The following ZNF628 variants were observed in gnomAD, a reference collection of about 807,000 sequenced individuals.
The protein encoded by ZNF628 is zinc finger protein 628.
In ZNF628, 3 loss-of-function variants were observed where a neutral mutation model predicts 2.5. That is an observed-to-expected ratio of 1.19 (90% confidence interval 0.54 to 3.07). The LOEUF is 3.07. ZNF628 is among the 30% of genes most tolerant of loss of function. The pLI is 0.03. For missense variants in ZNF628, 1,610 were observed against 1,517.1 expected (o/e 1.06, Z -1.02); for synonymous variants, 861 against 717.1 (o/e 1.20, Z -3.21).
In ZNF628 at chr19:55,483,308, A is replaced by G. The variant is rs770589755; in HGVS notation, c.2115A>G (p.Ala705=). The change falls in exon 3 of 3, where the codon GCA becomes GCG. Residue 705 remains alanine (A), a synonymous_variant. Transcript: ENST00000598519. ...GTAQAPSLGP[A]APNSQTFLLV... ...CCCAGGCCCCGAGCTTGGGGCCAGC[A>G]GCGCCCAACTCTCAGACGTTCCTCC... 15 of 1,527,032 alleles carry G rather than the reference A, an allele frequency of 9.8e-6. No homozygotes were observed. The highest frequency in any genetic ancestry group is 2.8e-5 in the African/African-American group (2 of 72,718). The allele number at this position is 1,527,032 out of a possible 1,614,324, so 94.6% of individuals were successfully genotyped here. A position where few individuals can be genotyped will look rare whatever the true frequency, so the allele number is the denominator to read the frequency against.
rs1469632052 is a variant in ZNF628, at chr19:55,479,631, T to G, written c.-77-203T>G. ...TCCGCTGTGGGGCCGTCCTGTGAATTGTAGGATGTTGGGCAGCATCCCTGG... is the reference window on the plus strand; with the variant it reads ...TCCGCTGTGGGGCCGTCCTGTGAATGGTAGGATGTTGGGCAGCATCCCTGG... On this transcript the variant is annotated intron_variant, in intron 1 of 2. Transcript: ENST00000598519. This position sits in a 1 kb window ranked among gnomAD's most constrained non-coding sequence, Gnocchi z 5.1. Among the ~76,000 whole-genome samples, 2 of 152,010 alleles carry G rather than the reference T, an allele frequency of 1.3e-5. No individual in the cohort carries two copies. The highest frequency in any genetic ancestry group is 2.9e-5 in the Non-Finnish European group (2 of 67,998).
At position 55,481,816 on chromosome 19, in the gene ZNF628, T is replaced by C. The variant is rs1193250693; in HGVS notation, c.623T>C (p.Leu208Pro). ...HTGERPFRCPLCPKTFTHSSN... is the reference protein window; with the variant it reads ...HTGERPFRCPPCPKTFTHSSN... ...GGCGAGCGGCCCTTCCGCTGCCCGC[T>C]CTGCCCCAAGACCTTCACCCACTCC... Residue 208 changes from leucine to proline, a missense_variant, in exon 3 of 3, where the codon CTC becomes CCC. Leu to Pro is a moderately conservative substitution (Grantham distance 98). Around this residue, in one of 5 missense-constraint regions of ZNF628, gnomAD observed 651 missense variants for 575.6 expected, o/e 1.13. Transcript: ENST00000598519. 2 of 1,599,304 alleles carry C rather than the reference T, an allele frequency of 1.3e-6. No individual in the cohort carries two copies. The highest frequency in any genetic ancestry group is 2.7e-5 in the African/African-American group (2 of 74,358).
At position 55,484,399 on chromosome 19, in the gene ZNF628, C is replaced by T. The variant is rs760004527; in HGVS notation, c.*26C>T. 9.8e-6 allele frequency: 14 copies of T among 1,432,922 alleles called. No homozygotes were observed. The East Asian group carries it at 2.6e-4, about 26-fold the overall frequency. The allele number at this position is 1,432,922 out of a possible 1,614,324, so 88.8% of individuals were successfully genotyped here. A position where few individuals can be genotyped will look rare whatever the true frequency, so the allele number is the denominator to read the frequency against. On this transcript the variant is annotated 3_prime_UTR_variant, in exon 3 of 3. Coordinates refer to ENST00000598519, the MANE Select transcript of ZNF628 (RefSeq NM_033113.3). ...GGAGAGGCAGTGATTCCCCTCCCGC[C>T]CCGCACAGAGACCCCGACTCACTGC...
chr19:55,482,225 G>C lies in ZNF628; in HGVS notation c.1032G>C (p.Gln344His). The C allele has an allele frequency of 6.9e-7, 1 of 1,458,302 alleles. No homozygotes were observed. The highest frequency in any genetic ancestry group is 9.0e-7 in the Non-Finnish European group (1 of 1,112,780). The allele number at this position is 1,458,302 out of a possible 1,614,324, so 90.3% of individuals were successfully genotyped here. Residue 344 changes from glutamine to histidine, a missense_variant, in exon 3 of 3, where the codon CAG (glutamine) becomes CAC (histidine). This residue lies in a region of ZNF628 where 651 missense variants were observed against 575.6 expected (regional missense o/e 1.13). Coordinates refer to ENST00000598519, the MANE Select transcript of ZNF628 (RefSeq NM_033113.3). The part of the protein sequence containing the change: ...KADQPPSPLP[Q>H]PPPPAAAPAP... Reference sequence around the variant, plus strand: ...ACCAGCCACCGTCCCCTCTGCCGCAGCCCCCTCCTCCCGCCGCCGCCCCCG... The same window carrying C: ...ACCAGCCACCGTCCCCTCTGCCGCACCCCCCTCCTCCCGCCGCCGCCCCCG...
intron 1 of ZNF628, among the ~76,000 whole-genome samples, chr19:55,477,106 A>G (rs1986570597): frequency 6.6e-6 from 1 of 152,204 alleles, no homozygotes; most frequent in African/African-American, 2.4e-5. Flanking sequence ...CATTGAAGCA[A>G]AAACTCCTGA....
intron 2 of ZNF628, among the ~76,000 whole-genome samples, chr19:55,480,696 C>A (rs1986676513): frequency 6.6e-6 from 1 of 152,234 alleles, no homozygotes; most frequent in African/African-American, 2.4e-5. Context: ...GCTGGGATTA[C>A]AGGCGTGAGC....
chr19:55,482,700 G>A lies in ZNF628; in HGVS notation c.1507G>A (p.Val503Met), dbSNP rs757098909. Residue 503 changes from valine to methionine, a missense_variant, in exon 3 of 3, where the codon GTG (valine) becomes ATG (methionine). Coordinates refer to ENST00000598519, the MANE Select transcript of ZNF628 (RefSeq NM_033113.3). The stretch of plus-strand genomic sequence containing the variant: ...CTCCCTGCTGGCCATCCACCAGCGG[G>A]TGCACACGGGCCTGCGGGCCTTCAC... ...RSSLLAIHQR[V>M]HTGLRAFTCG... is the part of the protein sequence containing the mutation. The A allele has an allele frequency of 1.2e-6, 2 of 1,612,372 alleles. No individual in the cohort carries two copies. The highest frequency in any genetic ancestry group is 4.5e-5 in the East Asian group (2 of 44,802).
In ZNF628 at chr19:55,484,077, A is replaced by T; in HGVS notation, c.2884A>T (p.Thr962Ser). 6.3e-7 allele frequency: 1 copy of T among 1,592,898 alleles called. No individual in the cohort carries two copies. ...GGTAGAAACACTTCCTCCTGGGCTGACGGAGCCGCCTGCCACCGGCCCACC... is the reference window on the plus strand; with the variant it reads ...GGTAGAAACACTTCCTCCTGGGCTGTCGGAGCCGCCTGCCACCGGCCCACC... ...QEVETLPPGL[T>S]EPPATGPPGQ... The change falls in exon 3 of 3, where the codon ACG becomes TCG. Residue 962 changes from threonine (T) to serine (S), a missense_variant. Thr to Ser is a moderately conservative substitution (Grantham distance 58). Transcript: ENST00000598519.
chr19:55,483,271 C>T lies in ZNF628; in HGVS notation c.2078C>T (p.Ala693Val), dbSNP rs1568468530. ...HLQATLSLEVAGGTAQAPSLG... is the reference protein window; with the variant it reads ...HLQATLSLEVVGGTAQAPSLG... The stretch of plus-strand genomic sequence containing the variant: ...CAGGCCACGCTCTCCCTCGAGGTGG[C>T]GGGGGGCACGGCCCAGGCCCCGAGC... Residue 693 changes from alanine (A) to valine (V), a missense_variant, in exon 3 of 3, where the codon GCG (alanine) becomes GTG (valine). Ala to Val is a moderately conservative substitution (Grantham distance 64). Transcript: ENST00000598519. The T allele has an allele frequency of 5.9e-6, 9 of 1,519,448 alleles. No homozygotes were observed. Among genetic ancestry groups the T allele is most frequent in the South Asian group, 1.2e-5 (1 of 80,950 alleles). 94.1% of individuals were successfully genotyped at this position (1,519,448 alleles called of 1,614,324 possible).
Position 55,482,827 on chromosome 19 carries a change from A to T in ZNF628, c.1634A>T (p.Lys545Met), listed in dbSNP as rs1236299871. ...CCCTACGCCTGCGGGGAGTGTGGCA[A>T]GGCCTTCCGCAACACGTCGTGCCTG... ...ERPYACGECG[K>M]AFRNTSCLRR... Residue 545 changes from lysine (K) to methionine (M), a missense_variant, in exon 3 of 3, where the codon AAG becomes ATG. Coordinates refer to ENST00000598519, the MANE Select transcript of ZNF628 (RefSeq NM_033113.3). 6.2e-7 allele frequency: 1 copy of T among 1,611,196 alleles called. No homozygotes were observed. The highest frequency in any genetic ancestry group is 2.2e-5 in the East Asian group (1 of 44,822).
At position 55,481,423 on chromosome 19, in the gene ZNF628, C is replaced by T. The variant is rs774610300; in HGVS notation, c.230C>T (p.Ser77Leu). The T allele has an allele frequency of 2.5e-6, 4 of 1,612,690 alleles. No homozygotes were observed. Among genetic ancestry groups the T allele is most frequent in the African/African-American group, 1.3e-5 (1 of 74,832 alleles). ...PDCPKAFKGS[S>L]ALLYHQRGHT... ...TGCCCCAAGGCTTTCAAAGGCTCCTCGGCCCTGCTCTACCACCAGCGAGGC... is the reference window on the plus strand; with the variant it reads ...TGCCCCAAGGCTTTCAAAGGCTCCTTGGCCCTGCTCTACCACCAGCGAGGC... Residue 77 changes from serine (S) to leucine (L), a missense_variant, in exon 3 of 3, where the codon TCG becomes TTG. Around this residue, in one of 5 missense-constraint regions of ZNF628, gnomAD observed 166 missense variants for 241.3 expected, o/e 0.69. Transcript: ENST00000598519.
rs1403169933 is a variant in ZNF628, at chr19:55,482,708, G to A, written c.1515G>A (p.Thr505=). Residue 505 remains threonine (T), a synonymous_variant, in exon 3 of 3, where the codon ACG becomes ACA. Coordinates refer to ENST00000598519, the MANE Select transcript of ZNF628 (RefSeq NM_033113.3). ...TGGCCATCCACCAGCGGGTGCACAC[G>A]GGCCTGCGGGCCTTCACCTGTGGCC... The part of the protein sequence containing the change: ...SLLAIHQRVH[T]GLRAFTCGQC... 1.9e-6 allele frequency: 3 copies of A among 1,612,530 alleles called. No homozygotes were observed. Among genetic ancestry groups the A allele is most frequent in the East Asian group, 2.2e-5 (1 of 44,834 alleles).
Position 55,482,444 on chromosome 19 carries a change from G to GC in ZNF628, c.1256dup (p.Gln420AlafsTer3). The GC allele has an allele frequency of 7.4e-7, 1 of 1,351,808 alleles. No individual in the cohort carries two copies. The highest frequency in any genetic ancestry group is 9.5e-7 in the Non-Finnish European group (1 of 1,056,330). 83.7% of individuals were successfully genotyped at this position (1,351,808 alleles called of 1,614,324 possible). ...TGGAAGAGGCCGCGGCCGGGCGCCC[G>GC]CCCCCGCAGGCTGAGGCTGCGGAGG... On this transcript the variant is annotated frameshift_variant, in exon 3 of 3. Transcript: ENST00000598519. LOFTEE classifies it low-confidence loss of function (END_TRUNC).
chr19:55,484,120 T>A lies in ZNF628; in HGVS notation c.2927T>A (p.Ile976Asn), dbSNP rs919957339. 1.3e-6 allele frequency: 2 copies of A among 1,590,536 alleles called. No homozygotes were observed. Among genetic ancestry groups the A allele is most frequent in the African/African-American group, 2.7e-5 (2 of 74,072 alleles). The change falls in exon 3 of 3, where the codon ATC (isoleucine) becomes AAC (asparagine). Residue 976 changes from isoleucine to asparagine, a missense_variant. This residue lies in a region of ZNF628 where 712 missense variants were observed against 603.6 expected (regional missense o/e 1.18). Transcript: ENST00000598519. ...GGCCCACCCGGACAGAAACTCCTCA[T>A]CATCCGCAGCGCCCCAGCCACTGAG... ...ATGPPGQKLL[I>N]IRSAPATELL... is the part of the protein sequence containing the mutation.
In ZNF628 at chr19:55,483,096, G is replaced by A. The variant is rs1385688113; in HGVS notation, c.1903G>A (p.Ala635Thr). 7.5e-6 allele frequency: 12 copies of A among 1,605,652 alleles called. No individual in the cohort carries two copies. The highest frequency in any genetic ancestry group is 1.7e-5 in the Admixed American group (1 of 59,874). Residue 635 changes from alanine to threonine, a missense_variant, in exon 3 of 3, where the codon GCC (alanine) becomes ACC (threonine). This residue lies in a region of ZNF628 where 712 missense variants were observed against 603.6 expected (regional missense o/e 1.18). Transcript: ENST00000598519. ...CTGCGGTCGCGGCTTCGTTATGGCC[G>A]CCTATCTGCAGCGGCACCTGAGGAC... ...PICGRGFVMA[A>T]YLQRHLRTHA...
At position 55,481,191 on chromosome 19, in the gene ZNF628, C is replaced by A; in HGVS notation, c.8-10C>A. On this transcript the variant is annotated splice_polypyrimidine_tract_variant and intron_variant, in intron 2 of 2. Coordinates refer to ENST00000598519, the MANE Select transcript of ZNF628 (RefSeq NM_033113.3). ...GGGGGTGAGCCGCTGACCCAGAATC[C>A]CTCCCCCAGGTGTGATGGTCGGCTC... is the stretch of plus-strand genomic sequence containing the variant. 6.6e-7 allele frequency: 1 copy of A among 1,520,948 alleles called. No individual in the cohort carries two copies. Among genetic ancestry groups the A allele is most frequent in the South Asian group, 1.2e-5 (1 of 80,246 alleles). 94.2% of individuals were successfully genotyped at this position (1,520,948 alleles called of 1,614,324 possible). A position where few individuals can be genotyped will look rare whatever the true frequency, so the allele number is the denominator to read the frequency against.
Position 55,483,149 on chromosome 19 carries a change from C to T in ZNF628, c.1956C>T (p.Ser652=), listed in dbSNP as rs1240768493. The change falls in exon 3 of 3, where the codon AGC becomes AGT. Residue 652 remains serine (S), a synonymous_variant. Transcript: ENST00000598519. Reference sequence around the variant, plus strand: ...ACGCCCCGGCCAACACGCCTCCCAGCACCACAGCCCCTGCCGCCGGCCCCC... The same window carrying T: ...ACGCCCCGGCCAACACGCCTCCCAGTACCACAGCCCCTGCCGCCGGCCCCC... ...RTHAPANTPP[S]TTAPAAGPQP... is the part of the protein sequence containing the mutation. 6.4e-7 allele frequency: 1 copy of T among 1,571,850 alleles called. No homozygotes were observed. Among genetic ancestry groups the T allele is most frequent in the South Asian group, 1.1e-5 (1 of 87,308 alleles).
chr19:55,483,697 A>G lies in ZNF628; in HGVS notation c.2504A>G (p.Gln835Arg). The stretch of plus-strand genomic sequence containing the variant: ...CCAGAAGTAACCACGGTCCAGCTCC[A>G]GCCAGCGCAGGAGGTGACCACAGTC... ...PAPEVTTVQL[Q>R]PAQEVTTVQL... Residue 835 changes from glutamine (Q) to arginine (R), a missense_variant, in exon 3 of 3, where the codon CAG becomes CGG. Gln to Arg is a conservative substitution (Grantham distance 43). Transcript: ENST00000598519. The G allele has an allele frequency of 6.2e-7, 1 of 1,613,558 alleles. No homozygotes were observed.
At chr19:55,478,280 A>G (rs1263315035) in intron 1 of ZNF628, among the ~76,000 whole-genome samples, 1 of 152,046 alleles carries the variant, frequency 6.6e-6, no homozygotes, top group Admixed American at 6.5e-5. Flanking sequence ...GGAAAAGGGA[A>G]TGGGGAGTTG....
Sources: allele counts gnomAD v4.1 joint callset (sites outside exome capture counted in the v4.1 genomes callset), GRCh38; gene constraint gnomAD v4.1.1; regional missense constraint gnomAD v4.1.1; non-coding constraint Gnocchi (gnomAD v3.1); transcripts MANE v1.5; gene names NCBI Gene and HGNC (gene_info 2026-07-23, HGNC 2026-07-21).